The following DLG2 variants were observed in gnomAD, a reference collection of about 807,000 sequenced individuals.
DLG2 encodes disks large homolog 2.
DLG2 carries 45 observed loss-of-function variants against 132.5 expected under a neutral mutation model. The ratio of observed to expected loss-of-function variants is 0.34; its 90% CI spans 0.27 to 0.44. The LOEUF (loss-of-function observed/expected upper bound fraction) is 0.44, where lower values mean the gene tolerates loss of function less well. Ranked by LOEUF, DLG2 falls within the 20% of genes least tolerant of loss-of-function variation. The pLI, the probability that DLG2 is intolerant of heterozygous loss-of-function variation, is 1.00. For synonymous variants in DLG2, 424 were observed against 419.6 expected, an observed-to-expected ratio of 1.01 and a Z score of -0.13; for missense variants, 1,045 against 1,196.9, an observed-to-expected ratio of 0.87 and a Z score of 1.87.
At chr11:84,588,252 G>A (rs1018951284) in intron 6 of DLG2, among the ~76,000 whole-genome samples, 1 of 152,140 alleles carries the variant, frequency 6.6e-6, no homozygotes, top group African/African-American at 2.4e-5. Context: ...AATCCATGCT[G>A]TCTCCCAGGT....
intron 18 of DLG2, among the ~76,000 whole-genome samples, chr11:83,769,528 G>C (rs928828856): frequency 6.6e-6 from 1 of 151,524 alleles, no homozygotes; most frequent in Non-Finnish European, 1.5e-5. Context: ...TATGGTTAGG[G>C]AAGGCTTCCT....
chr11:84,366,730 G>A (rs1448686917), intron 7 of DLG2, among the ~76,000 whole-genome samples: 1 of 152,038 alleles, frequency 6.6e-6, no homozygotes, highest in African/African-American at 2.4e-5. Context: ...ATTACATAAT[G>A]GTAAAGGGAT....
chr11:83,795,302 G>A (rs1473113383), intron 17 of DLG2, among the ~76,000 whole-genome samples: 2 of 152,062 alleles, frequency 1.3e-5, no homozygotes, highest in Non-Finnish European at 2.9e-5. Context: ...CAGCTACTTG[G>A]GAGGCTGAGG....
chr11:85,224,488 A>T (rs2074856627), intron 4 of DLG2, among the ~76,000 whole-genome samples: 1 of 152,168 alleles, frequency 6.6e-6, no homozygotes, highest in South Asian at 2.1e-4. Flanking sequence ...GTGATTCTCC[A>T]GATAAAACAC....
intron 7 of DLG2, among the ~76,000 whole-genome samples, chr11:84,308,780 G>T (rs1447427077): frequency 3.3e-5 from 5 of 152,188 alleles, no homozygotes; most frequent in African/African-American, 1.2e-4. Flanking sequence ...ACTGGCCCGG[G>T]TGCTAAGCCC....
intron 6 of DLG2, among the ~76,000 whole-genome samples, chr11:84,905,657 A>T (rs2154073661): frequency 6.6e-6 from 1 of 152,304 alleles, no homozygotes; most frequent in South Asian, 2.1e-4. Flanking sequence ...CAGGCCAATC[A>T]AACACCCTCC....
intron 6 of DLG2, chr11:84,720,209 C>A (rs2061651682): frequency 1.1e-6 from 1 of 945,600 alleles, no homozygotes; most frequent in Non-Finnish European, 1.3e-6. Context: ...ACTCTCCCAA[C>A]AGGCAGACAT....
chr11:84,911,940 T>G (rs2092098158), intron 6 of DLG2, among the ~76,000 whole-genome samples: 1 of 152,158 alleles, frequency 6.6e-6, no homozygotes, highest in Non-Finnish European at 1.5e-5. Context: ...CAGTTAATTT[T>G]TTTCATCTCC....
chr11:83,916,988 G>C (rs1427332945), intron 15 of DLG2, among the ~76,000 whole-genome samples: 1 of 152,114 alleles, frequency 6.6e-6, no homozygotes, highest in Non-Finnish European at 1.5e-5. Context: ...TGTTTGGGTG[G>C]AAAGTTTTCT....
At chr11:84,322,297 G>A (rs2098409228) in intron 7 of DLG2, among the ~76,000 whole-genome samples, 1 of 152,176 alleles carries the variant, frequency 6.6e-6, no homozygotes. Context: ...ATGGATTAGT[G>A]GCATAAGTGT....
intron 6 of DLG2, among the ~76,000 whole-genome samples, chr11:84,786,814 T>G (rs1459876901): frequency 6.6e-6 from 1 of 152,174 alleles, no homozygotes; most frequent in Non-Finnish European, 1.5e-5. Context: ...AAAATCGCTC[T>G]GTGACACCAC....
At chr11:84,579,247 T>C (rs1735436757) in intron 6 of DLG2, among the ~76,000 whole-genome samples, 1 of 151,382 alleles carries the variant, frequency 6.6e-6, no homozygotes, top group Non-Finnish European at 1.5e-5. Flanking sequence ...CAACTAATCC[T>C]AACCTTTGGT....
At chr11:84,981,695 T>A (rs1045048020) in intron 6 of DLG2, among the ~76,000 whole-genome samples, 3 of 151,912 alleles carry the variant, frequency 2.0e-5, no homozygotes, top group Non-Finnish European at 2.9e-5. Context: ...CTAAAAAAAA[T>A]AAATAAATAA....
rs185758163 is a variant in DLG2 at position 85,140,575 on chromosome 11, A to G, written c.282+13981T>C. 4.4e-3 allele frequency among the ~76,000 whole-genome samples: 662 copies of G among 150,036 alleles called. 6 individuals are homozygous for G. Among genetic ancestry groups the G allele is most frequent in the African/African-American group, 0.015 (635 of 41,034 alleles). On this transcript the variant is annotated intron_variant, in intron 5 of 27. Coordinates refer to ENST00000376104, the MANE Select transcript of DLG2 (RefSeq NM_001142699.3). ...CTCAGGAACTTATTTTTTTTTTTGTATTAGACACATTCCAATTCCAGTCTT... is the reference window on the plus strand; with the variant it reads ...CTCAGGAACTTATTTTTTTTTTTGTGTTAGACACATTCCAATTCCAGTCTT...
intron 6 of DLG2, among the ~76,000 whole-genome samples, chr11:84,907,219 C>A (rs1673745568): frequency 6.6e-6 from 1 of 152,134 alleles, no homozygotes; most frequent in South Asian, 2.1e-4. Context: ...TTTGATGAGG[C>A]AATTCAACAT....
At chr11:84,028,193 T>C (rs760106810) in intron 11 of DLG2, among the ~76,000 whole-genome samples, 2 of 152,066 alleles carry the variant, frequency 1.3e-5, no homozygotes, top group African/African-American at 4.8e-5. Context: ...ATGATAATAA[T>C]GTACAGAGTC....
chr11:83,847,168 A>G (rs970616952), intron 16 of DLG2, among the ~76,000 whole-genome samples: 7 of 152,304 alleles, frequency 4.6e-5, no homozygotes, highest in Admixed American at 1.3e-4. Flanking sequence ...ATAAAAGTAA[A>G]AAAGTAAATA....
At chr11:83,967,925 T>C (rs913353473) in intron 12 of DLG2, among the ~76,000 whole-genome samples, 1 of 152,150 alleles carries the variant, frequency 6.6e-6, no homozygotes, top group Non-Finnish European at 1.5e-5. Context: ...TTTCATTCTT[T>C]TGCATGTGGA....
At chr11:83,790,574 G>A in intron 17 of DLG2, 3 of 1,297,252 alleles carry the variant, frequency 2.3e-6, no homozygotes, top group Non-Finnish European at 3.4e-6. Context: ...TTTCAGCCAT[G>A]TGGGCTTCTG....
Sources: allele counts gnomAD v4.1 joint callset (sites outside exome capture counted in the v4.1 genomes callset), GRCh38; gene constraint gnomAD v4.1.1; transcripts MANE v1.5; gene names NCBI Gene and HGNC (gene_info 2026-07-23, HGNC 2026-07-21).